The following CEP192 variants were observed in gnomAD, a reference collection of about 807,000 sequenced individuals.
The protein encoded by CEP192 is centrosomal protein 192.
Under a neutral mutation model 271.8 loss-of-function variants are expected in CEP192, and 151 were observed. That is an observed-to-expected ratio of 0.56 (90% CI 0.49 to 0.64). The LOEUF is 0.64. CEP192 is among the 30% of genes least tolerant of loss of function. CEP192 has a pLI of 0.00. For synonymous variants in CEP192, 995 were observed against 1,076.5 expected (o/e 0.92, Z 1.48); for missense variants, 2,910 against 3,020.5 (o/e 0.96, Z 0.86).
chr18:13,046,040 G>A (rs534682602), intron 15 of CEP192, among the ~76,000 whole-genome samples: 150 of 152,270 alleles, frequency 9.9e-4, no homozygotes, highest in African/African-American at 3.4e-3. Context: ...ACCTGAGACT[G>A]GGTAATTTAT....
intron 30 of CEP192, among the ~76,000 whole-genome samples, chr18:13,081,015 T>C (rs1042148001): frequency 6.6e-6 from 1 of 152,236 alleles, no homozygotes; most frequent in African/African-American, 2.4e-5. Flanking sequence ...ATAAGCTTTT[T>C]GATGTGCTGC....
In CEP192 at chr18:13,038,404, C is replaced by A; in HGVS notation, c.1634C>A (p.Ala545Glu). Residue 545 changes from alanine (A) to glutamate (E), a missense_variant, in exon 13 of 45, where the codon GCA (alanine) becomes GAA (glutamate). Physicochemically the swap from Ala to Glu is moderately radical, Grantham distance 107 (BLOSUM62 -1). Coordinates refer to ENST00000506447, the MANE Select transcript of CEP192 (RefSeq NM_032142.4). Reference sequence around the variant, plus strand: ...ATAGATGCTCATAATACTTCGGTTGCACTGGGCGATACGTCCTGGGGAGCT... The same window carrying A: ...ATAGATGCTCATAATACTTCGGTTGAACTGGGCGATACGTCCTGGGGAGCT... ...ENIDAHNTSV[A>E]LGDTSWGATI... is the part of the protein sequence containing the mutation. The A allele has an allele frequency of 6.4e-7, 1 of 1,551,582 alleles. No individual in the cohort carries two copies. Among genetic ancestry groups the A allele is most frequent in the Non-Finnish European group, 8.7e-7 (1 of 1,146,914 alleles).
At chr18:13,037,767 C>T (rs1276476006) in intron 12 of CEP192, among the ~76,000 whole-genome samples, 1 of 152,120 alleles carries the variant, frequency 6.6e-6, no homozygotes, top group East Asian at 1.9e-4. Context: ...GTTGCCTAGA[C>T]TTGTCTGGAA....
intron 17 of CEP192, among the ~76,000 whole-genome samples, chr18:13,052,153 A>G (rs1344243913): frequency 1.3e-5 from 2 of 152,188 alleles, no homozygotes; most frequent in Non-Finnish European, 2.9e-5. Context: ...TGAACAGAAT[A>G]ATGAGGAAGT....
intron 30 of CEP192, among the ~76,000 whole-genome samples, chr18:13,076,281 G>A (rs1045892570): frequency 2.6e-5 from 4 of 152,144 alleles, no homozygotes; most frequent in Non-Finnish European, 4.4e-5. Flanking sequence ...AGGCGGGAGT[G>A]CAGTGGCATC....
intron 35 of CEP192, 93 bp downstream of exon 35, chr18:13,095,774 G>A (rs2144800224): frequency 1.8e-6 from 2 of 1,089,472 alleles, no homozygotes; most frequent in Non-Finnish European, 2.6e-6. Context: ...ACACACATGG[G>A]CTCCTGCACA....
Position 13,117,594 on chromosome 18 carries a change from T to C in CEP192, c.7426T>C (p.Leu2476=). The change falls in exon 44 of 45, where the codon TTG becomes CTG. Residue 2476 remains leucine, a synonymous_variant. Coordinates refer to ENST00000506447, the MANE Select transcript of CEP192 (RefSeq NM_032142.4). ...NSFITHSLKF[L]SPREPFYVKH... Reference sequence around the variant, plus strand: ...TTCTATTAAATTCCAGCTGAAGTTTTTGAGTCCCAGAGAGCCATTCTATGT... The same window carrying C: ...TTCTATTAAATTCCAGCTGAAGTTTCTGAGTCCCAGAGAGCCATTCTATGT... The C allele has an allele frequency of 6.2e-7, 1 of 1,611,248 alleles. No homozygotes were observed. Among genetic ancestry groups the C allele is most frequent in the Non-Finnish European group, 8.5e-7 (1 of 1,177,512 alleles).
chr18:13,051,125 ATTGCATT>A (rs145383253), intron 17 of CEP192, among the ~76,000 whole-genome samples: 1 of 152,300 alleles, frequency 6.6e-6, no homozygotes, highest in African/African-American at 2.4e-5. Flanking sequence ...TAGTCTAATA[ATTGCATT>A]AGGGTATATC....
rs549411355 is a variant in CEP192, at chr18:13,041,280, A to G, written c.1936+324A>G. On this transcript the variant is annotated intron_variant, in intron 14 of 44. Coordinates refer to ENST00000506447, the MANE Select transcript of CEP192 (RefSeq NM_032142.4). ...TTATTATTTAGGATGACTTTTAAAG[A>G]GATGTTTTGAGATTTAGACTATGAT... Among the ~76,000 whole-genome samples, 3 of 152,240 alleles carry G rather than the reference A, an allele frequency of 2.0e-5. No individual in the cohort carries two copies. The South Asian group carries it at 6.2e-4, about 32-fold the overall frequency.
At chr18:13,040,283 A>G (rs949292508) in intron 13 of CEP192, among the ~76,000 whole-genome samples, 2 of 152,238 alleles carry the variant, frequency 1.3e-5, no homozygotes, top group Non-Finnish European at 2.9e-5. Context: ...CACTTGGGAA[A>G]GTGAAGACCA....
intron 21 of CEP192, among the ~76,000 whole-genome samples, chr18:13,062,607 G>T (rs1171954184): frequency 6.9e-6 from 1 of 145,476 alleles, no homozygotes; most frequent in African/African-American, 2.6e-5. Context: ...AAAATTTTTT[G>T]TGGGTACCTA....
intron 15 of CEP192, among the ~76,000 whole-genome samples, chr18:13,044,733 T>C (rs1336363449): frequency 6.6e-6 from 1 of 152,202 alleles, no homozygotes; most frequent in Non-Finnish European, 1.5e-5. Flanking sequence ...ATTTTGCATT[T>C]TTGTGAGTGA....
chr18:13,062,736 A>G (rs1184072891), intron 21 of CEP192, among the ~76,000 whole-genome samples: 1 of 152,168 alleles, frequency 6.6e-6, no homozygotes, highest in Non-Finnish European at 1.5e-5. Context: ...AGTTACAAAT[A>G]ATCCAGTTAC....
At chr18:13,008,768 A>G in intron 4 of CEP192, 137 bp downstream of exon 4, 2 of 634,580 alleles carry the variant, frequency 3.2e-6, no homozygotes, top group Non-Finnish European at 5.3e-6. Context: ...CAGTGGCGTG[A>G]TCACAGCTCA....
chr18:13,020,074 T>C (rs1039698996), intron 9 of CEP192, among the ~76,000 whole-genome samples: 3 of 152,130 alleles, frequency 2.0e-5, no homozygotes, highest in Non-Finnish European at 4.4e-5. Flanking sequence ...ACTTCCCAAA[T>C]TGCTGGGATT....
At chr18:13,116,286 TAATGCAATACTAC>T (rs1223430147) in intron 42 of CEP192, 78 bp from the exon 43 acceptor site, 1 of 1,178,376 alleles carries the variant, frequency 8.5e-7, no homozygotes, top group Non-Finnish European at 1.2e-6. Flanking sequence ...AAACATAAAT[TAATGCAATACTAC>T]ATAATTTTAA....
intron 2 of CEP192, among the ~76,000 whole-genome samples, chr18:13,000,074 A>G (rs2033520468): frequency 7.7e-6 from 1 of 129,254 alleles, no homozygotes; most frequent in South Asian, 2.4e-4. Flanking sequence ...CTCTCTGTAT[A>G]ACTCATTGTC....
Position 13,108,021 on chromosome 18 carries a change from A to G in CEP192, c.7047+2942A>G, listed in dbSNP as rs184521664. On this transcript the variant is annotated intron_variant, in intron 40 of 44. Transcript: ENST00000506447. The stretch of plus-strand genomic sequence containing the variant: ...CAAACCTACAGCCATCTGATCTTCA[A>G]CAAAGTCAACAAAAATAAGCAATGG... Among the ~76,000 whole-genome samples, 305 of 152,334 alleles carry G rather than the reference A, an allele frequency of 2.0e-3. 1 individual carries two copies. The highest frequency in any genetic ancestry group is 0.017 in the Middle Eastern group (5 of 294).
chr18:13,118,022 G>A (rs1027586247), intron 44 of CEP192, among the ~76,000 whole-genome samples: 1 of 152,152 alleles, frequency 6.6e-6, no homozygotes, highest in African/African-American at 2.4e-5. Context: ...CATTAACTGG[G>A]ACAAAAACCT....
Sources: allele counts gnomAD v4.1 joint callset (sites outside exome capture counted in the v4.1 genomes callset), GRCh38; gene constraint gnomAD v4.1.1; transcripts MANE v1.5; gene names NCBI Gene and HGNC (gene_info 2026-07-23, HGNC 2026-07-21).